LINGO2: variants seen among roughly 807,000 people sequenced by gnomAD.
LINGO2 encodes the protein leucine-rich repeat and immunoglobulin-like domain-containing nogo receptor-interacting protein 2.
In LINGO2, 14 loss-of-function variants were observed where a neutral mutation model predicts 30.6. That is an observed-to-expected ratio of 0.46 (90% CI 0.30 to 0.72). The LOEUF (loss-of-function observed/expected upper bound fraction) is 0.72, where lower values mean the gene tolerates loss of function less well. LINGO2 is among the 30% of genes least tolerant of loss of function. The pLI is 0.07. For missense variants in LINGO2, 729 were observed against 751.7 expected, an observed-to-expected ratio of 0.97 and a Z score of 0.35; for synonymous variants, 317 against 288.5, an observed-to-expected ratio of 1.10 and a Z score of -1.00.
At chr9:29,116,096 G>A in the LINGO2 span, among the ~76,000 whole-genome samples, 5 of 151,520 alleles carry the variant, frequency 3.3e-5, no homozygotes, top group Non-Finnish European at 4.4e-5. Flanking sequence ...GGGCTATAAC[G>A]AATGACTTAA....
chr9:28,403,827 A>G (rs1822378559), intron 2 of LINGO2, among the ~76,000 whole-genome samples: 1 of 152,042 alleles, frequency 6.6e-6, no homozygotes, highest in Non-Finnish European at 1.5e-5. Flanking sequence ...ACTCAAATAT[A>G]CCCTAGAAAC....
downstream of LINGO2, among the ~76,000 whole-genome samples, chr9:27,947,659 G>A (rs1360141989): frequency 6.6e-6 from 1 of 152,190 alleles, no homozygotes; most frequent in Non-Finnish European, 1.5e-5. Context: ...GCAGTAGCTA[G>A]ATGTTCCCTT....
chr9:29,023,879 T>A, the LINGO2 span, among the ~76,000 whole-genome samples: 22,639 of 152,112 alleles, frequency 0.15, 2,075 homozygotes, highest in South Asian at 0.2. Context: ...GCTGCTTGGA[T>A]CCTTAGTAAA....
chr9:28,645,199 A>C (rs943215030), intron 1 of LINGO2, among the ~76,000 whole-genome samples: 2 of 152,056 alleles, frequency 1.3e-5, no homozygotes, highest in Non-Finnish European at 2.9e-5. Flanking sequence ...TGAGTTAATT[A>C]ATTGGAAAAA....
chr9:29,093,194 AT>A, the LINGO2 span, among the ~76,000 whole-genome samples: 1 of 133,546 alleles, frequency 7.5e-6, no homozygotes, highest in South Asian at 2.3e-4. Context: ...ATAGAAAAAA[AT>A]ATAGCACAAT....
intron 5 of LINGO2, among the ~76,000 whole-genome samples, chr9:27,951,989 T>C (rs1206644872): frequency 1.3e-5 from 2 of 152,014 alleles, no homozygotes; most frequent in African/African-American, 4.8e-5. Flanking sequence ...ATGTAGAAAC[T>C]AGGCAAAAAC....
chr9:27,954,588 C>G (rs1819473565), intron 5 of LINGO2, among the ~76,000 whole-genome samples: 1 of 152,120 alleles, frequency 6.6e-6, no homozygotes, highest in Non-Finnish European at 1.5e-5. Context: ...TTTATCCATT[C>G]ATTTGTTGAT....
the LINGO2 span, among the ~76,000 whole-genome samples, chr9:28,916,646 T>C: frequency 2.6e-5 from 4 of 152,224 alleles, no homozygotes; most frequent in Non-Finnish European, 5.9e-5. Context: ...GTACCATCCA[T>C]GTATTGATTG....
chr9:28,055,353 C>G (rs1391879520), intron 4 of LINGO2, among the ~76,000 whole-genome samples: 4 of 152,060 alleles, frequency 2.6e-5, no homozygotes, highest in African/African-American at 9.7e-5. Context: ...AAGGGCTGCT[C>G]AAATAAACTC....
At chr9:28,427,716 T>A (rs80250675) in intron 2 of LINGO2, among the ~76,000 whole-genome samples, 1 of 152,262 alleles carries the variant, frequency 6.6e-6, no homozygotes, top group Non-Finnish European at 1.5e-5. Context: ...CTCTGTGGCA[T>A]AAGGACAATG....
the LINGO2 span, among the ~76,000 whole-genome samples, chr9:28,776,537 T>C: frequency 6.6e-6 from 1 of 152,182 alleles, no homozygotes; most frequent in Middle Eastern, 3.2e-3. Context: ...CCCTAGAGTA[T>C]CTTCTCAAAA....
chr9:28,588,710 A>G (rs566705759), intron 1 of LINGO2, among the ~76,000 whole-genome samples: 1 of 152,168 alleles, frequency 6.6e-6, no homozygotes, highest in South Asian at 2.1e-4. Flanking sequence ...CTTCTCTTTG[A>G]GGTCTTTCAT....
chr9:28,723,987 G>T, the LINGO2 span, among the ~76,000 whole-genome samples: 1 of 151,904 alleles, frequency 6.6e-6, no homozygotes, highest in Non-Finnish European at 1.5e-5. Flanking sequence ...TACTCTATTT[G>T]CTTCTTCTGT....
chr9:29,208,083 G>C, the LINGO2 span, among the ~76,000 whole-genome samples: 7 of 152,000 alleles, frequency 4.6e-5, no homozygotes, highest in African/African-American at 7.2e-5. Flanking sequence ...AATATATTAG[G>C]TTTGTGTTCC....
the LINGO2 span, among the ~76,000 whole-genome samples, chr9:28,926,886 C>T: frequency 6.6e-6 from 1 of 152,068 alleles, no homozygotes; most frequent in Admixed American, 6.6e-5. Flanking sequence ...GCTGTCTTCT[C>T]CTCATCCCTC....
At chr9:28,316,486 A>G (rs183325853) in intron 3 of LINGO2, among the ~76,000 whole-genome samples, 2 of 152,294 alleles carry the variant, frequency 1.3e-5, no homozygotes, top group East Asian at 1.9e-4. Flanking sequence ...AATAGAGGCA[A>G]AGAAGTGGAA....
intron 4 of LINGO2, among the ~76,000 whole-genome samples, chr9:28,069,591 C>A (rs1825413331): frequency 6.6e-6 from 1 of 152,146 alleles, no homozygotes; most frequent in Non-Finnish European, 1.5e-5. Context: ...CTTCCGAATG[C>A]CTTTCTTATA....
intron 5 of LINGO2, among the ~76,000 whole-genome samples, chr9:27,995,846 A>C (rs1821634561): frequency 6.6e-6 from 1 of 152,160 alleles, no homozygotes; most frequent in Non-Finnish European, 1.5e-5. Flanking sequence ...TCAACATAGT[A>C]CTAAAAGTTT....
the LINGO2 span, among the ~76,000 whole-genome samples, chr9:29,069,442 G>C: frequency 6.6e-6 from 1 of 151,096 alleles, no homozygotes; most frequent in Non-Finnish European, 1.5e-5. Context: ...AATGTATCTA[G>C]GTCCAAAAAG....
Sources: gnomAD v4.1 joint callset for allele counts (sites outside exome capture counted in the v4.1 genomes callset) on GRCh38, gnomAD v4.1.1 for gene constraint, MANE v1.5 for transcripts, NCBI Gene and HGNC (gene_info 2026-07-23, HGNC 2026-07-21) for gene names.